Variants in PIEZO2 observed in about 807,000 individuals in gnomAD.
PIEZO2 encodes the protein piezo type mechanosensitive ion channel component 2.
Under a neutral mutation model 337.3 loss-of-function variants are expected in PIEZO2, and 172 were observed. The observed-to-expected ratio is 0.51, with a 90% confidence interval of 0.45 to 0.58. The LOEUF is 0.58. Ranked by LOEUF, PIEZO2 falls within the 20% of genes least tolerant of loss-of-function variation. The pLI is 0.00. For synonymous variants in PIEZO2, 1,251 were observed against 1,228.5 expected, an observed-to-expected ratio of 1.02 and a Z score of -0.38; for missense variants, 3,028 against 3,391.3, an observed-to-expected ratio of 0.89 and a Z score of 2.66.
chr18:11,146,107 C>T lies in PIEZO2; in HGVS notation c.64+2418G>A, dbSNP rs1469014174. On this transcript the variant is annotated intron_variant, in intron 1 of 55. Transcript: ENST00000674853. The surrounding 1 kb of genome is among the most constrained non-coding windows in gnomAD (Gnocchi z 6.1). Reference sequence around the variant, plus strand: ...TTACACAGTCATGCACACACTCGCACACCCAGGTTAGTCTCCCTGAACCCA... The same window carrying T: ...TTACACAGTCATGCACACACTCGCATACCCAGGTTAGTCTCCCTGAACCCA... Among the ~76,000 whole-genome samples the T allele has an allele frequency of 2.0e-5, 3 of 152,230 alleles. No homozygotes were observed. The highest frequency in any genetic ancestry group is 2.9e-5 in the Non-Finnish European group (2 of 68,042).
chr18:11,100,786 A>G lies in PIEZO2; in HGVS notation c.65-34564T>C, dbSNP rs534296407. Among the ~76,000 whole-genome samples the G allele has an allele frequency of 7.7e-3, 1,169 of 152,106 alleles. 10 individuals carry two copies. The highest frequency in any genetic ancestry group is 0.048 in the Middle Eastern group (14 of 292). On this transcript the variant is annotated intron_variant, in intron 1 of 55. Transcript: ENST00000674853. ...AATTTTTTGTATTTTTAGTAGAGACAGGGTTTCACCGTGTTAGCCAGGATG... is the reference window on the plus strand; with the variant it reads ...AATTTTTTGTATTTTTAGTAGAGACGGGGTTTCACCGTGTTAGCCAGGATG...
rs139547817 is a variant in PIEZO2, at chr18:11,009,650, G to T, written c.161-29990C>A. Among the ~76,000 whole-genome samples the T allele has an allele frequency of 4.6e-5, 7 of 152,286 alleles. No homozygotes were observed. Among genetic ancestry groups the T allele is most frequent in the African/African-American group, 1.7e-4 (7 of 41,556 alleles). On this transcript the variant is annotated intron_variant, in intron 2 of 55. Transcript: ENST00000674853. This position sits in a 1 kb window ranked among gnomAD's most constrained non-coding sequence, Gnocchi z 4.6. ...TATAAAGATAAATGTCTTGTTATGG[G>T]TTAAATCGTGTCCCCTTCATATGCT...
chr18:11,076,619 T>C (rs912565205), intron 1 of PIEZO2, among the ~76,000 whole-genome samples: 1 of 152,228 alleles, frequency 6.6e-6, no homozygotes, highest in African/African-American at 2.4e-5. Flanking sequence ...GGTAGGATTC[T>C]GTTATCTATG....
At chr18:11,114,767 A>G (rs1336659071) in intron 1 of PIEZO2, among the ~76,000 whole-genome samples, 1 of 152,180 alleles carries the variant, frequency 6.6e-6, no homozygotes, top group African/African-American at 2.4e-5. Context: ...GGATAGAGAA[A>G]ATTTTCACAG....
intron 1 of PIEZO2, among the ~76,000 whole-genome samples, chr18:11,095,793 A>C (rs1246471750): frequency 2.0e-5 from 3 of 152,154 alleles, no homozygotes; most frequent in African/African-American, 7.2e-5. Flanking sequence ...TAGCCCTGAA[A>C]TCCCCCGATG....
intron 49 of PIEZO2, among the ~76,000 whole-genome samples, chr18:10,685,335 G>A (rs59385979): frequency 0.26 from 38,777 of 152,018 alleles, 6,655 homozygotes; most frequent in African/African-American, 0.49. Flanking sequence ...TTACCTAAAT[G>A]TCTCAGGAAG....
chr18:11,018,170 G>A (rs1380898710), intron 2 of PIEZO2, among the ~76,000 whole-genome samples: 2 of 151,456 alleles, frequency 1.3e-5, no homozygotes, highest in East Asian at 1.9e-4. Context: ...GCATTACTCC[G>A]GTTCCTGCCT....
In PIEZO2 at chr18:11,148,573, C is replaced by G; in HGVS notation, c.16G>C (p.Val6Leu). The G allele has an allele frequency of 3.9e-6, 6 of 1,537,210 alleles. No individual in the cohort carries two copies. The highest frequency in any genetic ancestry group is 5.2e-6 in the Non-Finnish European group (6 of 1,146,908). Residue 6 changes from valine (V) to leucine (L), a missense_variant, in exon 1 of 56, where the codon GTG becomes CTG. By Grantham distance (32) the Val-to-Leu change is conservative (BLOSUM62 1). This residue lies in a region of PIEZO2 where 542 missense variants were observed against 605.6 expected (regional missense o/e 0.89). Transcript: ENST00000674853. This position sits in a 1 kb window ranked among gnomAD's most constrained non-coding sequence, Gnocchi z 5.2. MASEV[V>L]CGLIFRLLLP... is the part of the protein sequence containing the mutation. ...AGCAGCCTGAAGATGAGCCCGCACA[C>G]CACTTCTGAGGCCATCGCGTCGGTC...
intron 2 of PIEZO2, among the ~76,000 whole-genome samples, chr18:11,026,666 T>G (rs1568308221): frequency 1.3e-5 from 2 of 152,226 alleles, no homozygotes; most frequent in African/African-American, 4.8e-5. Context: ...GAATGCTCCC[T>G]CCACTGCCCT....
At chr18:10,999,214 T>C (rs888376169) in intron 2 of PIEZO2, among the ~76,000 whole-genome samples, 8 of 150,876 alleles carry the variant, frequency 5.3e-5, no homozygotes, top group African/African-American at 1.9e-4. Context: ...AGTTTATAGA[T>C]AAGTTAATGT....
intron 2 of PIEZO2, among the ~76,000 whole-genome samples, chr18:11,043,246 CA>C (rs2037186645): frequency 1.4e-4 from 1 of 6,934 alleles, no homozygotes; most frequent in Non-Finnish European, 5.2e-4. Flanking sequence ...TTTAAACGCA[CA>C]CACACACACA....
intron 2 of PIEZO2, among the ~76,000 whole-genome samples, chr18:11,015,468 TACTC>T (rs1406898915): frequency 3.3e-5 from 5 of 152,236 alleles, no homozygotes; most frequent in East Asian, 1.9e-4. Context: ...GTAATTAACT[TACTC>T]ACATCTGCAA....
intron 3 of PIEZO2, among the ~76,000 whole-genome samples, chr18:10,967,515 G>A (rs1042190561): frequency 3.3e-5 from 5 of 152,126 alleles, no homozygotes; most frequent in Non-Finnish European, 7.3e-5. Flanking sequence ...AGCTCTTTAA[G>A]GAATCTCCAC....
rs923204790 is a variant in PIEZO2 at position 11,094,243 on chromosome 18, C to T, written c.65-28021G>A. 1.3e-5 allele frequency among the ~76,000 whole-genome samples: 2 copies of T among 152,114 alleles called. No homozygotes were observed. Among genetic ancestry groups the T allele is most frequent in the African/African-American group, 2.4e-5 (1 of 41,422 alleles). On this transcript the variant is annotated intron_variant, in intron 1 of 55. Coordinates refer to ENST00000674853, the MANE Select transcript of PIEZO2 (RefSeq NM_001378183.1). The surrounding 1 kb of genome is among the most constrained non-coding windows in gnomAD (Gnocchi z 4.4). Reference sequence around the variant, plus strand: ...TAGCTCCTTTATGTTCCAGCTTGAACGTATGTATGGTAGGTTAATCCTCCC... The same window carrying T: ...TAGCTCCTTTATGTTCCAGCTTGAATGTATGTATGGTAGGTTAATCCTCCC...
chr18:10,792,810 T>C (rs1262494329), intron 13 of PIEZO2, among the ~76,000 whole-genome samples: 1 of 152,204 alleles, frequency 6.6e-6, no homozygotes, highest in Non-Finnish European at 1.5e-5. Context: ...GAATTGCTGG[T>C]CTTATGGAAA....
intron 41 of PIEZO2, among the ~76,000 whole-genome samples, chr18:10,705,079 G>A (rs2035518943): frequency 6.6e-6 from 1 of 151,848 alleles, no homozygotes; most frequent in South Asian, 2.1e-4. Context: ...TTCCTTCAGA[G>A]ACAACCTAAT....
At chr18:10,984,515 A>C (rs2034792964) in intron 2 of PIEZO2, among the ~76,000 whole-genome samples, 1 of 152,136 alleles carries the variant, frequency 6.6e-6, no homozygotes, top group Non-Finnish European at 1.5e-5. Context: ...TCAAAGACAG[A>C]TTATTTGAAA....
chr18:10,912,438 G>A (rs2030564746), intron 3 of PIEZO2, among the ~76,000 whole-genome samples: 1 of 152,128 alleles, frequency 6.6e-6, no homozygotes, highest in African/African-American at 2.4e-5. Flanking sequence ...ATTGTGTTGT[G>A]CACTAGGTGC....
intron 2 of PIEZO2, among the ~76,000 whole-genome samples, chr18:11,004,295 C>T (rs1317145792): frequency 3.3e-5 from 5 of 152,154 alleles, no homozygotes; most frequent in African/African-American, 9.7e-5. Context: ...ATTTACCAGA[C>T]ACAACTTCCA....
Sources: allele counts gnomAD v4.1 joint callset (sites outside exome capture counted in the v4.1 genomes callset), GRCh38; gene constraint gnomAD v4.1.1; regional missense constraint gnomAD v4.1.1; non-coding constraint Gnocchi (gnomAD v3.1); transcripts MANE v1.5; gene names NCBI Gene and HGNC (gene_info 2026-07-23, HGNC 2026-07-21).